The following PAK4 variants were observed in gnomAD, a reference collection of about 807,000 sequenced individuals.
The protein encoded by PAK4 is p21 (RAC1) activated kinase 4.
Under a neutral mutation model 53.5 loss-of-function variants are expected in PAK4, and 49 were observed. The ratio of observed to expected loss-of-function variants is 0.92; its 90% CI spans 0.73 to 1.16. The LOEUF is 1.16. Among genes scored for constraint, PAK4 ranks in the 50% most tolerant of loss-of-function variants. PAK4 has a pLI of 0.00. For synonymous variants in PAK4, 376 were observed against 375.6 expected (o/e 1.00, Z -0.01); for missense variants, 824 against 850.7 (o/e 0.97, Z 0.39).
At chr19:39,171,336 G>A (rs2074475424) in intron 2 of PAK4, among the ~76,000 whole-genome samples, 2 of 152,008 alleles carry the variant, frequency 1.3e-5, no homozygotes, top group African/African-American at 2.4e-5. Context: ...AGCCTCCCGC[G>A]TAGCTGGGAT....
intron 1 of PAK4, among the ~76,000 whole-genome samples, chr19:39,151,656 A>C (rs1272165429): frequency 2.0e-5 from 3 of 152,286 alleles, no homozygotes; most frequent in Admixed American, 2.0e-4. Context: ...AGATCAAGGC[A>C]GGGAAAGATC....
intron 1 of PAK4, chr19:39,152,234 G>A (rs1205533678): frequency 1.3e-5 from 2 of 151,968 alleles, no homozygotes; most frequent in East Asian, 1.9e-4. Flanking sequence ...GCACAGCCTC[G>A]TGATGAAATC....
At chr19:39,134,016 C>T (rs1475152217) in intron 1 of PAK4, among the ~76,000 whole-genome samples, 2 of 152,168 alleles carry the variant, frequency 1.3e-5, no homozygotes, top group Non-Finnish European at 2.9e-5. Flanking sequence ...CCCTCCCTGC[C>T]CTCCCCACAG....
chr19:39,175,475 TTTCCGGCTGCGGGGC>T lies in PAK4; in HGVS notation c.1359+42_1359+56del. 1.3e-6 allele frequency: 2 copies of T among 1,571,880 alleles called. No individual in the cohort carries two copies. Among genetic ancestry groups the T allele is most frequent in the Non-Finnish European group, 1.7e-6 (2 of 1,156,522 alleles). ...GGCGGCGGGGTACGGGGGCGGCAGG[TTTCCGGCTGCGGGGC>T]TTCCCTGCCTCTTCCCATCCCCTGT... On this transcript the variant is annotated intron_variant, in intron 6 of 8. Coordinates refer to ENST00000358301, the Ensembl canonical transcript of PAK4. The surrounding 1 kb of genome is among the most constrained non-coding windows in gnomAD (Gnocchi z 4.7).
At chr19:39,131,735 G>T (rs1222311587) in intron 1 of PAK4, among the ~76,000 whole-genome samples, 1 of 152,198 alleles carries the variant, frequency 6.6e-6, no homozygotes, top group Non-Finnish European at 1.5e-5. Context: ...CAGGCTGGGA[G>T]GCCATCTGCT....
At chr19:39,176,320 A>G (rs2074603463) in intron 6 of PAK4, among the ~76,000 whole-genome samples, 1 of 152,078 alleles carries the variant, frequency 6.6e-6, no homozygotes, top group African/African-American at 2.4e-5. Flanking sequence ...TATCTGCAGT[A>G]CTCAGGCCAG....
In PAK4 at chr19:39,173,573, C is replaced by G. The variant is rs2074533768; in HGVS notation, c.664-3C>G. Reference sequence around the variant, plus strand: ...ACTGACAGCTACCTCTCTTCTGTTTCAGGGGGAGCCTCATGACGTGGCCCC... The same window carrying G: ...ACTGACAGCTACCTCTCTTCTGTTTGAGGGGGAGCCTCATGACGTGGCCCC... On this transcript the variant is annotated splice_region_variant and splice_polypyrimidine_tract_variant and intron_variant, in intron 3 of 8. Coordinates refer to ENST00000358301, the Ensembl canonical transcript of PAK4. The surrounding 1 kb of genome is among the most constrained non-coding windows in gnomAD (Gnocchi z 6.9). 6.6e-7 allele frequency: 1 copy of G among 1,519,054 alleles called. No individual in the cohort carries two copies. Among genetic ancestry groups the G allele is most frequent in the Non-Finnish European group, 8.8e-7 (1 of 1,134,926 alleles). 94.1% of individuals were successfully genotyped at this position (1,519,054 alleles called of 1,614,324 possible). A position where few individuals can be genotyped will look rare whatever the true frequency, so the allele number is the denominator to read the frequency against.
rs1422666672 is a variant in PAK4 at position 39,161,884 on chromosome 19, C to T, written c.-22-7648C>T. 6.6e-6 allele frequency among the ~76,000 whole-genome samples: 1 copy of T among 152,148 alleles called. No homozygotes were observed. The highest frequency in any genetic ancestry group is 6.5e-5 in the Admixed American group (1 of 15,270). On this transcript the variant is annotated intron_variant, in intron 1 of 8. Coordinates refer to ENST00000358301, the Ensembl canonical transcript of PAK4. This position sits in a 1 kb window ranked among gnomAD's most constrained non-coding sequence, Gnocchi z 4.5. ...CAGAGCCCTACATGGCTCCCTCTCC[C>T]CTCCTCACGCAGGTCCCTGCTCACG...
chr19:39,153,842 CA>C (rs539750152), intron 1 of PAK4, among the ~76,000 whole-genome samples: 1 of 152,154 alleles, frequency 6.6e-6, no homozygotes, highest in Non-Finnish European at 1.5e-5. Flanking sequence ...CTCGGCATCC[CA>C]AAGTGCTGGG....
At chr19:39,145,962 C>G (rs748329666) in intron 1 of PAK4, among the ~76,000 whole-genome samples, 2 of 152,244 alleles carry the variant, frequency 1.3e-5, no homozygotes, top group Non-Finnish European at 2.9e-5. Flanking sequence ...GTGTTGACCC[C>G]TGCCCCACCT....
At chr19:39,176,786 G>A in intron 7 of PAK4, 71 bp downstream of exon 8, 1 of 1,565,164 alleles carries the variant, frequency 6.4e-7, no homozygotes, top group Non-Finnish European at 8.7e-7. Context: ...TGCAGCGCTG[G>A]CGGGAGATGG....
rs2074282150 is a variant in PAK4, at chr19:39,161,421, C to T, written c.-22-8111C>T. Among the ~76,000 whole-genome samples the T allele has an allele frequency of 6.6e-6, 1 of 152,186 alleles. No homozygotes were observed. Among genetic ancestry groups the T allele is most frequent in the South Asian group, 2.1e-4 (1 of 4,834 alleles). On this transcript the variant is annotated intron_variant, in intron 1 of 8. Coordinates refer to ENST00000358301, the Ensembl canonical transcript of PAK4. This position sits in a 1 kb window ranked among gnomAD's most constrained non-coding sequence, Gnocchi z 4.5. ...AGCCCCTGCCTATGAGCTCACGCTG[C>T]AGCCCTCGGCCAGTCCTGCCACCTC...
chr19:39,175,059 C>T lies in PAK4; in HGVS notation c.1227C>T (p.His409=), dbSNP rs758355689. Residue 409 remains histidine (H), a synonymous_variant, in exon 5 of 9, where the codon CAC becomes CAT. Transcript: ENST00000358301. This position sits in a 1 kb window ranked among gnomAD's most constrained non-coding sequence, Gnocchi z 4.7. The stretch of plus-strand genomic sequence containing the variant: ...GCGCCCTCACCGACATCGTCACCCA[C>T]ACCAGGTATTTCTGGGGCCTCAGAC... The T allele has an allele frequency of 2.5e-5, 41 of 1,608,880 alleles. No individual in the cohort carries two copies. In the Middle Eastern group the frequency reaches 5.0e-4, roughly 19 times the overall value.
At chr19:39,176,874 C>CTTT (rs34636072) in intron 7 of PAK4, among the ~76,000 whole-genome samples, 159 bp downstream of exon 8, 2 of 146,954 alleles carry the variant, frequency 1.4e-5, no homozygotes. Context: ...ATTCATTCTT[C>CTTT]TTTTTTTTTT....
At chr19:39,130,219 A>AC (rs1568494244) in intron 1 of PAK4, among the ~76,000 whole-genome samples, 2 of 84,912 alleles carry the variant, frequency 2.4e-5, no homozygotes, top group Non-Finnish European at 4.7e-5. Context: ...AGGCAGAGGG[A>AC]TCAGGGTGGG....
At chr19:39,158,169 T>G (rs370550199) in intron 1 of PAK4, among the ~76,000 whole-genome samples, 19 of 149,352 alleles carry the variant, frequency 1.3e-4, no homozygotes, top group African/African-American at 4.5e-4. Flanking sequence ...GTGTGCATGT[T>G]TGTGAGTGTG....
intron 1 of PAK4, chr19:39,134,766 AT>A (rs908999577): frequency 9.6e-5 from 14 of 146,140 alleles, no homozygotes; most frequent in East Asian, 2.0e-4. Flanking sequence ...TGCCTGGCTA[AT>A]TTTTTTTTTT....
chr19:39,160,051 C>T (rs2144765136), intron 1 of PAK4, among the ~76,000 whole-genome samples: 1 of 152,354 alleles, frequency 6.6e-6, no homozygotes, highest in East Asian at 1.9e-4. Context: ...GGCCCCCCTG[C>T]AGTGGGGAGG....
intron 6 of PAK4, chr19:39,176,373 G>T (rs1600412898): frequency 3.2e-6 from 2 of 615,806 alleles, no homozygotes; most frequent in East Asian, 5.6e-5. Flanking sequence ...GGAAATGGGG[G>T]GATCGTGGGG....
Sources: allele counts gnomAD v4.1 joint callset (sites outside exome capture counted in the v4.1 genomes callset), GRCh38; gene constraint gnomAD v4.1.1; non-coding constraint Gnocchi (gnomAD v3.1); transcripts MANE v1.5; gene names NCBI Gene and HGNC (gene_info 2026-07-23, HGNC 2026-07-21).